ARHGAP8: variants seen among roughly 807,000 people sequenced by gnomAD.
ARHGAP8 encodes the protein rho GTPase-activating protein 8.
Under a neutral mutation model 46.1 loss-of-function variants are expected in ARHGAP8, and 62 were observed. The ratio of observed to expected loss-of-function variants is 1.34; its 90% confidence interval spans 1.10 to 1.66. The LOEUF (loss-of-function observed/expected upper bound fraction) is 1.66, where lower values mean the gene tolerates loss of function less well. ARHGAP8 is among the 40% of genes most tolerant of loss of function. The pLI, the probability that ARHGAP8 is intolerant of heterozygous loss-of-function variation, is 0.00. For missense variants in ARHGAP8, 923 were observed against 568.4 expected (o/e 1.62, Z -6.34); for synonymous variants, 375 against 243.1 (o/e 1.54, Z -5.05).
intron 7 of ARHGAP8, among the ~76,000 whole-genome samples, chr22:44,832,469 GCC>G (rs1439236767): frequency 6.6e-6 from 1 of 151,938 alleles, no homozygotes; most frequent in African/African-American, 2.4e-5. Context: ...CTGGTGATCT[GCC>G]TGCATCAGCC....
chr22:44,852,812 G>A (rs2147176326), intron 10 of ARHGAP8, among the ~76,000 whole-genome samples: 1 of 152,184 alleles, frequency 6.6e-6, no homozygotes, highest in South Asian at 2.1e-4. Flanking sequence ...TTGTTTGTTT[G>A]TTTTGTTTTT....
intron 6 of ARHGAP8, among the ~76,000 whole-genome samples, chr22:44,823,016 C>A (rs1930264237): frequency 6.6e-6 from 1 of 152,244 alleles, no homozygotes. Flanking sequence ...GGTCTCTGGA[C>A]CCCCAGCCTG....
chr22:44,808,050 G>C (rs1929055798), intron 3 of ARHGAP8, among the ~76,000 whole-genome samples: 1 of 152,318 alleles, frequency 6.6e-6, no homozygotes, highest in African/African-American at 2.4e-5. Flanking sequence ...GATTTGATAT[G>C]GATGTCTTTC....
At chr22:44,814,066 C>G (rs1929561004) in intron 4 of ARHGAP8, among the ~76,000 whole-genome samples, 1 of 152,188 alleles carries the variant, frequency 6.6e-6, no homozygotes. Context: ...GCCCCCATCC[C>G]CACCCTGGTT....
At chr22:44,821,898 C>G (rs1169007246) in intron 5 of ARHGAP8, among the ~76,000 whole-genome samples, 2 of 146,328 alleles carry the variant, frequency 1.4e-5, no homozygotes, top group South Asian at 4.5e-4. Flanking sequence ...TGGAGAGCCT[C>G]ATTGGTTCCT....
chr22:44,842,186 G>A (rs184522449), intron 7 of ARHGAP8, among the ~76,000 whole-genome samples: 5 of 152,172 alleles, frequency 3.3e-5, no homozygotes, highest in South Asian at 2.1e-4. Flanking sequence ...GTGAAACCCC[G>A]TCTCTACTAA....
chr22:44,840,973 G>A (rs902099766), intron 7 of ARHGAP8, among the ~76,000 whole-genome samples: 1 of 152,196 alleles, frequency 6.6e-6, no homozygotes, highest in African/African-American at 2.4e-5. Context: ...AGTACCTGCC[G>A]TGCCAGGCAC....
chr22:44,820,756 T>C (rs375359793), intron 5 of ARHGAP8, among the ~76,000 whole-genome samples: 33 of 152,056 alleles, frequency 2.2e-4, no homozygotes, highest in African/African-American at 7.2e-4. Context: ...ATCCCCGCCC[T>C]CCTCCCTCAG....
At chr22:44,770,873 G>C (rs758670221) in intron 1 of ARHGAP8, among the ~76,000 whole-genome samples, 6 of 152,178 alleles carry the variant, frequency 3.9e-5, no homozygotes, top group Non-Finnish European at 8.8e-5. Context: ...TATAAAGATG[G>C]TTTAGTTTTG....
chr22:44,783,961 C>T (rs1927033839), intron 1 of ARHGAP8, among the ~76,000 whole-genome samples: 1 of 152,304 alleles, frequency 6.6e-6, no homozygotes, highest in Admixed American at 6.5e-5. Flanking sequence ...TGCAATTATA[C>T]TCAACCTCTG....
chr22:44,814,926 C>G (rs1364003345), intron 5 of ARHGAP8, among the ~76,000 whole-genome samples, 168 bp downstream of exon 5: 1 of 152,150 alleles, frequency 6.6e-6, no homozygotes, highest in Non-Finnish European at 1.5e-5. Context: ...ACAAGGCCAG[C>G]CCAGGTCATG....
At chr22:44,776,384 G>A (rs1046073656) in intron 1 of ARHGAP8, among the ~76,000 whole-genome samples, 6 of 151,866 alleles carry the variant, frequency 4.0e-5, no homozygotes, top group Non-Finnish European at 8.8e-5. Context: ...CCTGGGAGGC[G>A]GACATTGCAG....
At chr22:44,829,304 A>AG (rs1432012324) in intron 7 of ARHGAP8, among the ~76,000 whole-genome samples, 3 of 151,690 alleles carry the variant, frequency 2.0e-5, no homozygotes, top group Admixed American at 6.6e-5. Flanking sequence ...AAAGAAAAAA[A>AG]AAAAAGAAAA....
intron 7 of ARHGAP8, among the ~76,000 whole-genome samples, chr22:44,828,493 A>G (rs1433464923): frequency 5.0e-5 from 7 of 140,280 alleles, no homozygotes; most frequent in Non-Finnish European, 9.0e-5. Context: ...TCTGTTGCCC[A>G]GGCTGGAGTG....
chr22:44,796,204 T>C (rs1928073119), intron 2 of ARHGAP8, among the ~76,000 whole-genome samples: 1 of 152,172 alleles, frequency 6.6e-6, no homozygotes, highest in South Asian at 2.1e-4. Context: ...CTCCCGGGAA[T>C]GGCCTGGAGC....
In ARHGAP8 at chr22:44,822,669, G is replaced by A. The variant is rs375166740; in HGVS notation, c.485+200G>A. 4.0e-4 allele frequency among the ~76,000 whole-genome samples: 61 copies of A among 152,318 alleles called. No homozygotes were observed. In the South Asian group the frequency reaches 0.012, roughly 31 times the overall value. On this transcript the variant is annotated intron_variant, in intron 6 of 11. Transcript: ENST00000356099. ...TCAGAGAAATGAAATGGCAAAGGTT[G>A]TATACAGGACGGGATGTTTTCCTCG...
intron 2 of ARHGAP8, chr22:44,801,742 C>T: frequency 3.4e-6 from 1 of 293,222 alleles, no homozygotes; most frequent in East Asian, 7.8e-5. Context: ...TGGCTACACC[C>T]TGCCTTTGAA....
chr22:44,857,922 A>G (rs2147189087), intron 10 of ARHGAP8, among the ~76,000 whole-genome samples: 1 of 77,514 alleles, frequency 1.3e-5, no homozygotes, highest in Non-Finnish European at 2.7e-5. Context: ...CCTACTTGCC[A>G]GCAGGTATTC....
intron 1 of ARHGAP8, among the ~76,000 whole-genome samples, chr22:44,778,034 A>G (rs1396904389): frequency 6.7e-6 from 1 of 148,284 alleles, no homozygotes; most frequent in African/African-American, 2.6e-5. Flanking sequence ...TTATTTATTT[A>G]TTTATTTATT....
Sources: gnomAD v4.1 joint callset for allele counts (sites outside exome capture counted in the v4.1 genomes callset) on GRCh38, gnomAD v4.1.1 for gene constraint, MANE v1.5 for transcripts, NCBI Gene and HGNC (gene_info 2026-07-23, HGNC 2026-07-21) for gene names.